Variants in STRN observed in about 807,000 individuals in gnomAD.
STRN encodes the protein striatin, also known as protein phosphatase 2 regulatory subunit B'''alpha.
Under a neutral mutation model 96.3 loss-of-function variants are expected in STRN, and 53 were observed. The ratio of observed to expected loss-of-function variants is 0.55; its 90% CI spans 0.44 to 0.69. The LOEUF is 0.69. STRN is among the 30% of genes least tolerant of loss of function. The probability of loss-of-function intolerance (pLI) is 0.00; values close to 1 mark genes in which losing one functional copy is unlikely to be tolerated. For synonymous variants in STRN, 428 were observed against 355.9 expected (o/e 1.20, Z -2.28); for missense variants, 987 against 963.9 (o/e 1.02, Z -0.32).
chr2:36,915,210 G>A (rs1670061021), intron 3 of STRN, among the ~76,000 whole-genome samples: 16 of 85,602 alleles, frequency 1.9e-4, no homozygotes, highest in South Asian at 3.9e-4. Context: ...AAAAAAAAAA[G>A]GAAATTTAAA....
chr2:36,873,054 C>T (rs1011163287), intron 10 of STRN, among the ~76,000 whole-genome samples: 1 of 37,400 alleles, frequency 2.7e-5, no homozygotes, highest in African/African-American at 3.8e-5. Flanking sequence ...GAACCTGCCA[C>T]GACAGTGGGG....
At chr2:36,908,652 G>C (rs1669884593) in intron 3 of STRN, among the ~76,000 whole-genome samples, 1 of 152,088 alleles carries the variant, frequency 6.6e-6, no homozygotes, top group East Asian at 1.9e-4. Context: ...TTCTTACACT[G>C]AGATAAAATC....
At chr2:36,866,469 A>C (rs1668629187) in intron 12 of STRN, among the ~76,000 whole-genome samples, 2 of 152,168 alleles carry the variant, frequency 1.3e-5, no homozygotes. Flanking sequence ...AGTGTGGTTG[A>C]TTTTAGAATA....
chr2:36,966,261 G>T lies in STRN; in HGVS notation c.203C>A (p.Ala68Asp), dbSNP rs771833308. Residue 68 changes from alanine to aspartate, a missense_variant, in exon 1 of 18, where the codon GCC (alanine) becomes GAC (aspartate). By Grantham distance (126) the Ala-to-Asp change is moderately radical. Coordinates refer to ENST00000263918, the MANE Select transcript of STRN (RefSeq NM_003162.4). Reference protein sequence around the residue: ...HEWARFEVERAQWEVERAELQ... With the variant: ...HEWARFEVERDQWEVERAELQ... ...CTCCGCCCGCTCCACCTCCCACTGGGCTCTCTCCACCTCGAAGCGGGCCCA... is the reference window on the plus strand; with the variant it reads ...CTCCGCCCGCTCCACCTCCCACTGGTCTCTCTCCACCTCGAAGCGGGCCCA... 5 of 1,587,200 alleles carry T rather than the reference G, an allele frequency of 3.2e-6. No individual in the cohort carries two copies. The highest frequency in any genetic ancestry group is 3.4e-6 in the Non-Finnish European group (4 of 1,168,860).
intron 10 of STRN, among the ~76,000 whole-genome samples, chr2:36,872,914 A>G (rs1668799156): frequency 6.6e-6 from 1 of 152,252 alleles, no homozygotes; most frequent in Non-Finnish European, 1.5e-5. Context: ...GAGAACAGAG[A>G]GGCCTAAAAG....
In STRN at chr2:36,916,135, A is replaced by G. The variant is rs1252112595; in HGVS notation, c.355T>C (p.Leu119=). The change falls in exon 3 of 18, where the codon TTG becomes CTG. Residue 119 remains leucine, a synonymous_variant. Coordinates refer to ENST00000263918, the MANE Select transcript of STRN (RefSeq NM_003162.4). Reference sequence around the variant, plus strand: ...TGATTCAATTCTGTCCCGTATTTCAACTTGTGGTATTTGGCTCTAACAAAG... The same window carrying G: ...TGATTCAATTCTGTCCCGTATTTCAGCTTGTGGTATTTGGCTCTAACAAAG... The part of the protein sequence containing the change: ...LKQERAKYHK[L]KYGTELNQGD... The G allele has an allele frequency of 6.2e-7, 1 of 1,613,484 alleles. No homozygotes were observed. Among genetic ancestry groups the G allele is most frequent in the African/African-American group, 1.3e-5 (1 of 74,918 alleles).
At chr2:36,884,201 A>G (rs1021630052) in intron 8 of STRN, 126 bp from the exon 9 acceptor site, 1 of 819,822 alleles carries the variant, frequency 1.2e-6, no homozygotes, top group African/African-American at 1.8e-5. Flanking sequence ...ATATTCTACT[A>G]GATTAATAAG....
intron 6 of STRN, among the ~76,000 whole-genome samples, chr2:36,898,799 A>G (rs1386976089): frequency 6.6e-6 from 1 of 152,220 alleles, no homozygotes; most frequent in East Asian, 1.9e-4. Flanking sequence ...GAGAAAATGC[A>G]AACATTTTCC....
chr2:36,898,891 G>T (rs1390445976), intron 6 of STRN, among the ~76,000 whole-genome samples: 1 of 152,078 alleles, frequency 6.6e-6, no homozygotes, highest in African/African-American at 2.4e-5. Context: ...AGAGAGAGAA[G>T]GGAGAAGGGG....
chr2:36,913,548 C>T (rs546047036), intron 3 of STRN, among the ~76,000 whole-genome samples: 3 of 152,288 alleles, frequency 2.0e-5, no homozygotes, highest in South Asian at 2.1e-4. Context: ...TGTGCTACTG[C>T]GCTCAATAGC....
In STRN at chr2:36,943,729, G is replaced by A. The variant is rs557070702; in HGVS notation, c.235-18521C>T. 7.3e-5 allele frequency among the ~76,000 whole-genome samples: 11 copies of A among 150,464 alleles called. No individual in the cohort carries two copies. In the South Asian group the frequency reaches 1.9e-3, roughly 26 times the overall value. ...TGAGGCAGGAGAATCACTTGAACCT[G>A]GGAGGCAGAGGTTGCAGTGAGCCGA... On this transcript the variant is annotated intron_variant, in intron 1 of 17. Transcript: ENST00000263918.
chr2:36,849,164 G>A lies in STRN; in HGVS notation c.*292C>T, dbSNP rs1668154795. 3 of 317,356 alleles carry A rather than the reference G, an allele frequency of 9.5e-6. No individual in the cohort carries two copies. Among genetic ancestry groups the A allele is most frequent in the Admixed American group, 4.5e-5 (1 of 22,292 alleles). 19.7% of individuals were successfully genotyped at this position (317,356 alleles called of 1,614,324 possible). ...ACAGGGACAAGCTAAACTTGTATTC[G>A]CTCAGGCCTGCCTAGCGAATTAGAA... On this transcript the variant is annotated 3_prime_UTR_variant, in exon 18 of 18. Transcript: ENST00000263918.
In STRN at chr2:36,848,699, A is replaced by G. The variant is rs1189288595; in HGVS notation, c.*757T>C. The G allele has an allele frequency of 6.6e-6, 1 of 152,346 alleles. No individual in the cohort carries two copies. The highest frequency in any genetic ancestry group is 2.1e-4 in the South Asian group (1 of 4,830). 9.4% of individuals were successfully genotyped at this position (152,346 alleles called of 1,614,324 possible). ...CAAACCTGAATAAGTTAAATCTGTT[A>G]GTAAAAGCAGAGTCGATCAACTATT... On this transcript the variant is annotated 3_prime_UTR_variant, in exon 18 of 18. Transcript: ENST00000263918.
At chr2:36,873,921 G>A (rs1176011486) in intron 10 of STRN, among the ~76,000 whole-genome samples, 4 of 135,460 alleles carry the variant, frequency 3.0e-5, no homozygotes, top group African/African-American at 8.3e-5. Flanking sequence ...CCAGTCTGGC[G>A]ACAAAGCGAG....
At chr2:36,890,782 C>T (rs74692301) in intron 7 of STRN, among the ~76,000 whole-genome samples, 3,319 of 152,172 alleles carry the variant, frequency 0.022, 50 homozygotes, top group African/African-American at 0.045. Flanking sequence ...CTGCGCCTGG[C>T]CCAGAAAACT....
intron 10 of STRN, among the ~76,000 whole-genome samples, chr2:36,874,128 G>C (rs1006107651): frequency 2.0e-5 from 3 of 151,826 alleles, no homozygotes; most frequent in Non-Finnish European, 2.9e-5. Flanking sequence ...GCTGGGCGTG[G>C]TGGCGGGCAC....
At chr2:36,947,027 C>T (rs192083109) in intron 1 of STRN, among the ~76,000 whole-genome samples, 2 of 152,136 alleles carry the variant, frequency 1.3e-5, no homozygotes, top group African/African-American at 4.8e-5. Flanking sequence ...TCCTGAGTAG[C>T]AGGGACTACA....
chr2:36,954,379 A>G (rs1345979641), intron 1 of STRN, among the ~76,000 whole-genome samples: 1 of 151,582 alleles, frequency 6.6e-6, no homozygotes, highest in Non-Finnish European at 1.5e-5. Context: ...AGGTGTGGTG[A>G]TGGGTGCCTG....
At chr2:36,947,926 G>C (rs987120455) in intron 1 of STRN, among the ~76,000 whole-genome samples, 1 of 151,108 alleles carries the variant, frequency 6.6e-6, no homozygotes, top group Non-Finnish European at 1.5e-5. Context: ...GGACACTAAG[G>C]GTATGCAGTT....
Sources: gnomAD v4.1 joint callset for allele counts (sites outside exome capture counted in the v4.1 genomes callset) on GRCh38, gnomAD v4.1.1 for gene constraint, MANE v1.5 for transcripts, NCBI Gene and HGNC (gene_info 2026-07-23, HGNC 2026-07-21) for gene names.